Variants in MYH11 observed in about 807,000 individuals in gnomAD.
MYH11 encodes the protein myosin heavy chain 11, also known as myosin-11.
A neutral mutation model predicts 246.6 loss-of-function variants in MYH11; 80 were observed. That is an observed-to-expected ratio of 0.32 (90% CI 0.27 to 0.39). The LOEUF is 0.39. Ranked by LOEUF, MYH11 falls within the 10% of genes least tolerant of loss-of-function variation. MYH11 has a pLI of 1.00. For synonymous variants in MYH11, 1,071 were observed against 1,015.5 expected, an observed-to-expected ratio of 1.05 and a Z score of -1.04; for missense variants, 2,158 against 2,546.8, an observed-to-expected ratio of 0.85 and a Z score of 3.29.
chr16:15,780,819 AGTG>A (rs1481746427), intron 6 of MYH11, among the ~76,000 whole-genome samples: 1 of 152,088 alleles, frequency 6.6e-6, no homozygotes, highest in East Asian at 1.9e-4. Context: ...AGCATTAACA[AGTG>A]TTTAAAATGT....
intron 19 of MYH11, 132 bp from the exon 20 acceptor site, chr16:15,745,369 C>A (rs1320369831): frequency 2.0e-5 from 13 of 638,936 alleles, no homozygotes; most frequent in Non-Finnish European, 3.1e-5. Flanking sequence ...CTTCCAGAAA[C>A]CCTGTGTGAC....
chr16:15,844,654 G>C (rs959477348), intron 1 of MYH11, among the ~76,000 whole-genome samples: 2 of 152,094 alleles, frequency 1.3e-5, no homozygotes, highest in African/African-American at 4.8e-5. Flanking sequence ...CCAGGAGTTC[G>C]AGACCAGACT....
intron 40 of MYH11, 107 bp from the exon 41 acceptor site, chr16:15,704,230 A>G: frequency 1.4e-6 from 2 of 1,397,732 alleles, no homozygotes; most frequent in Non-Finnish European, 2.0e-6. Flanking sequence ...ATTGCAATAT[A>G]AATTTTTTTT....
rs201108170 is a variant in MYH11, at chr16:15,719,284, G to C, written c.5107C>G (p.Arg1703Gly). The change falls in exon 36 of 41, where the codon CGC becomes GGC. Residue 1703 changes from arginine (R) to glycine (G), a missense_variant. By Grantham distance (125) the Arg-to-Gly change is moderately radical. This residue lies in a region of MYH11 where 1,013 missense variants were observed against 993.5 expected (regional missense o/e 1.02). Transcript: ENST00000300036. Reference protein sequence around the residue: ...QEDLAAAERARKQADLEKEEL... With the variant: ...QEDLAAAERAGKQADLEKEEL... Reference sequence around the variant, plus strand: ...TCCTTCTCGAGGTCCGCTTGTTTGCGAGCCCTCTCAGCGGCGGCGAGGTCC... The same window carrying C: ...TCCTTCTCGAGGTCCGCTTGTTTGCCAGCCCTCTCAGCGGCGGCGAGGTCC... 3.1e-6 allele frequency: 5 copies of C among 1,612,418 alleles called. No individual in the cohort carries two copies. The East Asian group carries it at 1.1e-4, about 36-fold the overall frequency.
chr16:15,799,251 T>A (rs1261468422), intron 3 of MYH11, among the ~76,000 whole-genome samples: 1 of 152,182 alleles, frequency 6.6e-6, no homozygotes, highest in Non-Finnish European at 1.5e-5. Flanking sequence ...GCCTCATAAG[T>A]ACCTTCAACA....
At chr16:15,708,494 T>C (rs1468571755) in intron 40 of MYH11, among the ~76,000 whole-genome samples, 1 of 152,010 alleles carries the variant, frequency 6.6e-6, no homozygotes, top group African/African-American at 2.4e-5. Context: ...GGAAGAAAAA[T>C]CCAAGCTACA....
At chr16:15,729,360 G>C (rs982572934) in intron 27 of MYH11, among the ~76,000 whole-genome samples, 9 of 152,224 alleles carry the variant, frequency 5.9e-5, no homozygotes, top group African/African-American at 2.2e-4. Flanking sequence ...ATGGGCAGAG[G>C]TTTGCACCTC....
chr16:15,741,155 T>C (rs2041261097), intron 22 of MYH11: 2 of 535,998 alleles, frequency 3.7e-6, no homozygotes, highest in Non-Finnish European at 6.7e-6. Flanking sequence ...TTTTTATTTT[T>C]AGCTGCTGAG....
chr16:15,776,106 C>T lies in MYH11; in HGVS notation c.861G>A (p.Met287Ile), dbSNP rs1371371071. The change falls in exon 8 of 41, where the codon ATG becomes ATA. Residue 287 changes from methionine to isoleucine, a missense_variant. Met to Ile is a conservative substitution (Grantham distance 10). Transcript: ENST00000300036. The part of the protein sequence containing the change: ...DERTFHIFYY[M>I]IAGAKEKMRS... ...TCATCTTCTCCTTGGCTCCAGCAAT[C>T]ATGTAGTAAAAGATGTGGAATGTCC... 1.9e-6 allele frequency: 3 copies of T among 1,613,860 alleles called. No individual in the cohort carries two copies. Among genetic ancestry groups the T allele is most frequent in the Non-Finnish European group, 2.5e-6 (3 of 1,179,776 alleles).
At chr16:15,798,618 A>AC in intron 4 of MYH11, 42 bp downstream of exon 4, 1 of 1,532,060 alleles carries the variant, frequency 6.5e-7, no homozygotes, top group Non-Finnish European at 8.8e-7. Context: ...TAAAAAAAAA[A>AC]AAAAACAAAA....
intron 7 of MYH11, among the ~76,000 whole-genome samples, 173 bp downstream of exon 7, chr16:15,778,607 C>A (rs537160432): frequency 6.6e-6 from 1 of 152,226 alleles, no homozygotes; most frequent in South Asian, 2.1e-4. Flanking sequence ...GGGGTCCGGT[C>A]CACACATGTA....
chr16:15,771,824 G>A (rs2042108925), intron 8 of MYH11, 112 bp from the exon 9 acceptor site: 5 of 1,398,980 alleles, frequency 3.6e-6, no homozygotes, highest in African/African-American at 2.8e-5. Context: ...CCTTTATCAA[G>A]GCTTGAACCG....
At chr16:15,761,907 AC>A (rs1334783741) in intron 10 of MYH11, among the ~76,000 whole-genome samples, 1 of 152,188 alleles carries the variant, frequency 6.6e-6, no homozygotes, top group Non-Finnish European at 1.5e-5. Context: ...CTTGCTTCTA[AC>A]CTCCAAGCTC....
intron 2 of MYH11, among the ~76,000 whole-genome samples, chr16:15,833,413 G>GAAGGA (rs1555458592): frequency 0.091 from 13,273 of 146,572 alleles, 789 homozygotes; most frequent in Non-Finnish European, 0.12. Context: ...GGAAGGAAGG[G>GAAGGA]AGGAACGAAC....
intron 7 of MYH11, among the ~76,000 whole-genome samples, chr16:15,778,112 T>C (rs981373995): frequency 6.6e-6 from 1 of 152,146 alleles, no homozygotes; most frequent in Non-Finnish European, 1.5e-5. Context: ...GGCTGATCAG[T>C]CACTGAACTC....
intron 3 of MYH11, among the ~76,000 whole-genome samples, chr16:15,812,400 C>T (rs147963419): frequency 0.02 from 3,001 of 151,744 alleles, 109 homozygotes; most frequent in Admixed American, 0.097. Context: ...ATAAGCACCA[C>T]GAAGATAAAC....
chr16:15,752,225 G>C (rs1325509532), intron 15 of MYH11, among the ~76,000 whole-genome samples: 3 of 152,034 alleles, frequency 2.0e-5, no homozygotes, highest in African/African-American at 7.2e-5. Context: ...TTGTTCCCTA[G>C]GCCCAGAGCC....
At chr16:15,807,470 T>G (rs2043039933) in intron 3 of MYH11, among the ~76,000 whole-genome samples, 1 of 152,142 alleles carries the variant, frequency 6.6e-6, no homozygotes, top group Non-Finnish European at 1.5e-5. Context: ...ACAGGAAGCC[T>G]TCACGGCAGA....
At position 15,751,333 on chromosome 16, in the gene MYH11, T is replaced by A. The variant is rs1013642125; in HGVS notation, c.1865-1002A>T. Reference sequence around the variant, plus strand: ...CGCCACCACGCCCGGCTCATTTTTTTTATATTTTTAGTAGAGACAGAGTTT... The same window carrying A: ...CGCCACCACGCCCGGCTCATTTTTTATATATTTTTAGTAGAGACAGAGTTT... On this transcript the variant is annotated intron_variant, in intron 15 of 40. Transcript: ENST00000300036. Among the ~76,000 whole-genome samples, 8 of 151,832 alleles carry A rather than the reference T, an allele frequency of 5.3e-5. No homozygotes were observed. In the South Asian group the frequency reaches 8.3e-4, roughly 16 times the overall value.
Sources: gnomAD v4.1 joint callset for allele counts (sites outside exome capture counted in the v4.1 genomes callset) on GRCh38, gnomAD v4.1.1 for gene constraint, gnomAD v4.1.1 regional missense constraint, MANE v1.5 for transcripts, NCBI Gene and HGNC (gene_info 2026-07-23, HGNC 2026-07-21) for gene names.